Variants in EIF2AK1 observed in about 807,000 individuals in gnomAD.
The protein encoded by EIF2AK1 is eukaryotic translation initiation factor 2 alpha kinase 1.
Under a neutral mutation model 77.9 loss-of-function variants are expected in EIF2AK1, and 54 were observed. The observed-to-expected ratio is 0.69, with a 90% confidence interval of 0.56 to 0.87. The LOEUF (loss-of-function observed/expected upper bound fraction) is 0.87, where lower values mean the gene tolerates loss of function less well. EIF2AK1 is among the 40% of genes least tolerant of loss of function. EIF2AK1 has a pLI of 0.00. For synonymous variants in EIF2AK1, 314 were observed against 290.5 expected, an observed-to-expected ratio of 1.08 and a Z score of -0.82; for missense variants, 810 against 768.6, an observed-to-expected ratio of 1.05 and a Z score of -0.64.
intron 7 of EIF2AK1, 68 bp downstream of exon 7, chr7:6,044,494 G>C: frequency 7.6e-7 from 1 of 1,313,690 alleles, no homozygotes; most frequent in Non-Finnish European, 1.1e-6. Flanking sequence ...AACAAAGGCA[G>C]GCCAGATTTG....
chr7:6,049,792 TAG>T, intron 3 of EIF2AK1, 118 bp downstream of exon 3: 1 of 998,156 alleles, frequency 1.0e-6, no homozygotes, highest in Non-Finnish European at 1.4e-6. Context: ...ATGCCTGGCC[TAG>T]AGTTTATACT....
chr7:6,049,889 A>AAAGTATATTT, intron 3 of EIF2AK1, 23 bp downstream of exon 3: 1 of 1,592,360 alleles, frequency 6.3e-7, no homozygotes, highest in Non-Finnish European at 8.5e-7. Context: ...TGTCATACCC[A>AAAGTATATTT]AAGTATATTT....
chr7:6,044,536 C>G (rs759079492), intron 7 of EIF2AK1, 26 bp downstream of exon 7: 1 of 1,601,092 alleles, frequency 6.2e-7, no homozygotes, highest in Non-Finnish European at 8.5e-7. Flanking sequence ...AACGCTTCAA[C>G]TACCATACCA....
In EIF2AK1 at chr7:6,023,392, G is replaced by C. The variant is rs1787589560; in HGVS notation, c.*1281C>G. 1.9e-6 allele frequency: 3 copies of C among 1,614,154 alleles called. No individual in the cohort carries two copies. The East Asian group carries it at 6.7e-5, about 36-fold the overall frequency. ...TGCACGTTTCTTGTTCTCTCTGTTTGGCCAGAAGCATAATGCTGTCAACGC... is the reference window on the plus strand; with the variant it reads ...TGCACGTTTCTTGTTCTCTCTGTTTCGCCAGAAGCATAATGCTGTCAACGC... On this transcript the variant is annotated 3_prime_UTR_variant, in exon 15 of 15. Coordinates refer to ENST00000199389, the MANE Select transcript of EIF2AK1 (RefSeq NM_014413.4).
chr7:6,050,889 C>A (rs1788591140), intron 2 of EIF2AK1, among the ~76,000 whole-genome samples: 1 of 152,068 alleles, frequency 6.6e-6, no homozygotes, highest in Admixed American at 6.6e-5. Flanking sequence ...AGGCATGAGC[C>A]ACTGCACCCG....
rs901697537 is a variant in EIF2AK1, at chr7:6,024,637, C to G, written c.*36G>C. On this transcript the variant is annotated 3_prime_UTR_variant, in exon 15 of 15. Transcript: ENST00000199389. ...TACCCTAATAAAGATTAAAAATTTA[C>G]ATTCCAGTTAACTACCTTAAAAGTT... 5.0e-6 allele frequency: 8 copies of G among 1,612,978 alleles called. No individual in the cohort carries two copies. In the African/African-American group the frequency reaches 8.0e-5, roughly 16 times the overall value.
chr7:6,036,092 C>T lies in EIF2AK1; in HGVS notation c.1332+1332G>A, dbSNP rs1179831207. On this transcript the variant is annotated intron_variant, in intron 11 of 14. Coordinates refer to ENST00000199389, the MANE Select transcript of EIF2AK1 (RefSeq NM_014413.4). The surrounding 1 kb of genome is among the most constrained non-coding windows in gnomAD (Gnocchi z 4.6). ...CTCCAATTTATATGTACCTTCAGCG[C>T]AGTTGCAATGTAAGAGATACGGCAC... 8 of 1,550,820 alleles carry T rather than the reference C, an allele frequency of 5.2e-6. No homozygotes were observed. The highest frequency in any genetic ancestry group is 7.0e-6 in the Non-Finnish European group (8 of 1,147,100).
chr7:6,025,027 T>G (rs117369868), intron 14 of EIF2AK1, among the ~76,000 whole-genome samples: 2,034 of 152,030 alleles, frequency 0.013, 30 homozygotes, highest in Middle Eastern at 0.058. Flanking sequence ...TTAGTAGAGA[T>G]GAGGTTTCGC....
rs1384992247 is a variant in EIF2AK1 at position 6,035,992 on chromosome 7, G to A, written c.1332+1432C>T. 1 of 1,550,996 alleles carries A rather than the reference G, an allele frequency of 6.4e-7. No homozygotes were observed. The highest frequency in any genetic ancestry group is 8.7e-7 in the Non-Finnish European group (1 of 1,147,064). On this transcript the variant is annotated intron_variant, in intron 11 of 14. Coordinates refer to ENST00000199389, the MANE Select transcript of EIF2AK1 (RefSeq NM_014413.4). This position sits in a 1 kb window ranked among gnomAD's most constrained non-coding sequence, Gnocchi z 5.5. ...ACAGCCATCCATGAGGCATGCTTTG[G>A]AGGCAGAGAGGCAATCATCAATCTC...
chr7:6,031,681 A>G (rs1050493397), intron 11 of EIF2AK1: 1 of 1,315,954 alleles, frequency 7.6e-7, no homozygotes, highest in Non-Finnish European at 1.1e-6. Flanking sequence ...CACTAAGCTC[A>G]CGGCCCTTAT....
intron 1 of EIF2AK1, chr7:6,058,114 C>T (rs962098543): frequency 4.2e-5 from 19 of 455,620 alleles, no homozygotes; most frequent in African/African-American, 3.6e-4. Context: ...ACAAAAGCCT[C>T]AAGAAAACTT....
chr7:6,028,258 T>G (rs573793287), intron 13 of EIF2AK1, among the ~76,000 whole-genome samples: 1 of 152,028 alleles, frequency 6.6e-6, no homozygotes, highest in Non-Finnish European at 1.5e-5. Flanking sequence ...CTGTTTGTTT[T>G]TTTTTTTTTT....
Position 6,024,112 on chromosome 7 carries a change from AAACTG to A in EIF2AK1, c.*556_*560del. The A allele has an allele frequency of 1.5e-6, 2 of 1,297,142 alleles. No individual in the cohort carries two copies. The highest frequency in any genetic ancestry group is 2.0e-6 in the Non-Finnish European group (2 of 994,484). The allele number at this position is 1,297,142 out of a possible 1,614,324, so 80.4% of individuals were successfully genotyped here. ...AAGGGTGTGGTTTTGGAATGACGCT[AAACTG>A]AAGGTGGAGAGAACAGATAAAAAGG... On this transcript the variant is annotated 3_prime_UTR_variant, in exon 15 of 15. Transcript: ENST00000199389.
intron 2 of EIF2AK1, among the ~76,000 whole-genome samples, chr7:6,051,299 TCTCA>T (rs1345207617): frequency 1.4e-5 from 2 of 145,356 alleles, no homozygotes; most frequent in African/African-American, 2.5e-5. Context: ...TGAGACAGAC[TCTCA>T]CTCTGTCGCC....
intron 4 of EIF2AK1, 25 bp downstream of exon 4, chr7:6,048,782 A>C: frequency 6.4e-7 from 1 of 1,551,158 alleles, no homozygotes; most frequent in Non-Finnish European, 8.8e-7. Flanking sequence ...TAGTCTGCAT[A>C]ATCAAGAAAG....
Position 6,027,612 on chromosome 7 carries a change from T to C in EIF2AK1, c.1531-651A>G, listed in dbSNP as rs10487933. On this transcript the variant is annotated intron_variant, in intron 13 of 14. Coordinates refer to ENST00000199389, the MANE Select transcript of EIF2AK1 (RefSeq NM_014413.4). The surrounding 1 kb of genome is among the most constrained non-coding windows in gnomAD (Gnocchi z 4.5). ...CAAGGGAGATTCAAACTTTACAGCA[T>C]GTTCGTTCTATTTCAAGGGGAGTCA... Among the ~76,000 whole-genome samples, 44,041 of 151,864 alleles carry C rather than the reference T, an allele frequency of 0.29. 7,422 individuals are homozygous for C. Among genetic ancestry groups the C allele is most frequent in the East Asian group, 0.49 (2,531 of 5,132 alleles).
chr7:6,047,310 G>A (rs80259084), intron 4 of EIF2AK1: 12,534 of 646,240 alleles, frequency 0.019, 222 homozygotes, highest in African/African-American at 0.067. Context: ...AATTATTACC[G>A]ATGTTGTACA....
chr7:6,035,660 A>G lies in EIF2AK1; in HGVS notation c.1332+1764T>C. ...GTTCACCACTCCACCTGGCCATAGC[A>G]TATGGTTGCTATCCAGTTCTCTCCA... On this transcript the variant is annotated intron_variant, in intron 11 of 14. Transcript: ENST00000199389. The surrounding 1 kb of genome is among the most constrained non-coding windows in gnomAD (Gnocchi z 5.5). 1 of 1,550,742 alleles carries G rather than the reference A, an allele frequency of 6.4e-7. No individual in the cohort carries two copies. The highest frequency in any genetic ancestry group is 1.2e-5 in the South Asian group (1 of 84,062).
chr7:6,023,931 A>G lies in EIF2AK1; in HGVS notation c.*742T>C, dbSNP rs575634604. 61 of 1,454,342 alleles carry G rather than the reference A, an allele frequency of 4.2e-5. No individual in the cohort carries two copies. The highest frequency in any genetic ancestry group is 2.3e-4 in the Admixed American group (11 of 48,362). 90.1% of individuals were successfully genotyped at this position (1,454,342 alleles called of 1,614,324 possible). A position where few individuals can be genotyped will look rare whatever the true frequency, so the allele number is the denominator to read the frequency against. ...GACCCTTTCTGGGATTCAAAAACCA[A>G]TTCATCAGATCGCTGCCTCTGAGGG... On this transcript the variant is annotated 3_prime_UTR_variant, in exon 15 of 15. Transcript: ENST00000199389.
Sources: allele counts gnomAD v4.1 joint callset (sites outside exome capture counted in the v4.1 genomes callset), GRCh38; gene constraint gnomAD v4.1.1; non-coding constraint Gnocchi (gnomAD v3.1); transcripts MANE v1.5; gene names NCBI Gene and HGNC (gene_info 2026-07-23, HGNC 2026-07-21).